The following CCDC77 variants were observed in gnomAD, a reference collection of about 807,000 sequenced individuals.
CCDC77 encodes the protein coiled-coil domain-containing protein 77.
CCDC77 carries 56 observed loss-of-function variants against 66.8 expected under a neutral mutation model. The observed-to-expected ratio is 0.84, with a 90% confidence interval of 0.68 to 1.05. The LOEUF (loss-of-function observed/expected upper bound fraction) is 1.05. Among genes scored for constraint, CCDC77 ranks in the 50% least tolerant of loss-of-function variants. CCDC77 has a pLI of 0.00. For synonymous variants in CCDC77, 196 were observed against 195.2 expected (o/e 1.00, Z -0.03); for missense variants, 570 against 576.8 (o/e 0.99, Z 0.12).
chr12:431,209 GTT>G (rs1294813302), intron 7 of CCDC77, among the ~76,000 whole-genome samples: 2 of 71,236 alleles, frequency 2.8e-5, no homozygotes, highest in African/African-American at 4.1e-5. Flanking sequence ...ATTTTGCTCA[GTT>G]CTTTTTTTTT....
At chr12:411,723 T>G in intron 3 of CCDC77, 24 bp from the exon 4 acceptor site, 2 of 1,584,200 alleles carry the variant, frequency 1.3e-6, no homozygotes, top group Non-Finnish European at 1.7e-6. Context: ...GTGTGATGAA[T>G]ATATCATTTC....
upstream of CCDC77, among the ~76,000 whole-genome samples, chr12:397,772 G>A (rs1404549800): frequency 1.3e-5 from 2 of 151,438 alleles, no homozygotes; most frequent in Non-Finnish European, 2.9e-5. Flanking sequence ...TCAGCCTCCC[G>A]AGCAGCTGGG....
chr12:403,971 T>G (rs1944945066), intron 1 of CCDC77, among the ~76,000 whole-genome samples: 1 of 152,222 alleles, frequency 6.6e-6, no homozygotes, highest in African/African-American at 2.4e-5. Flanking sequence ...AGACAGGGTC[T>G]TGCCATGGCC....
chr12:433,012 G>C (rs1945679696), intron 8 of CCDC77, among the ~76,000 whole-genome samples, 162 bp from the exon 9 acceptor site: 1 of 152,170 alleles, frequency 6.6e-6, no homozygotes, highest in African/African-American at 2.4e-5. Flanking sequence ...CAGCCTGGGG[G>C]ACAGAGCAAG....
chr12:423,494 G>GTTTTTTTTTTTTTTTTTTTTTTT (rs56233976), intron 5 of CCDC77, among the ~76,000 whole-genome samples: 1 of 35,420 alleles, frequency 2.8e-5, no homozygotes, highest in Non-Finnish European at 5.1e-5. Context: ...TTTTTGTTTT[G>GTTTTTTTTTTTTTTTTTTTTTTT]TTTTTTTTTT....
At position 438,336 on chromosome 12, in the gene CCDC77, C is replaced by T. The variant is rs1164541061; in HGVS notation, c.823C>T (p.Leu275Phe). 1 of 1,609,158 alleles carries T rather than the reference C, an allele frequency of 6.2e-7. No homozygotes were observed. Among genetic ancestry groups the T allele is most frequent in the Admixed American group, 1.7e-5 (1 of 59,272 alleles). ...QNKIKELTKN[L>F]HHTQELLYES... The stretch of plus-strand genomic sequence containing the variant: ...CTGCATTTATACTTTCTTTCCTAGT[C>T]TTCACCACACCCAAGAACTGCTCTA... The change falls in exon 10 of 13, where the codon CTT (leucine) becomes TTT (phenylalanine). Residue 275 changes from leucine (L) to phenylalanine (F), a missense_variant and splice_region_variant. Transcript: ENST00000239830.
At chr12:422,711 A>T (rs1048786864) in intron 5 of CCDC77, among the ~76,000 whole-genome samples, 4 of 152,200 alleles carry the variant, frequency 2.6e-5, no homozygotes, top group Admixed American at 2.0e-4. Flanking sequence ...TCCAAACTGA[A>T]GCTGTCCACC....
Position 440,837 on chromosome 12 carries a change from T to C in CCDC77, c.1168-7T>C, listed in dbSNP as rs80251893. ...TTCGTAAATGCCTTCCCATTCCCCA[T>C]ATTTAGGATCGCACTAACAAGATGG... On this transcript the variant is annotated splice_polypyrimidine_tract_variant and splice_region_variant and intron_variant, in intron 11 of 12. Transcript: ENST00000239830. The C allele has an allele frequency of 3.7e-3, 5,917 of 1,613,406 alleles. 76 individuals carry two copies. The African/African-American group carries it at 0.048, about 13-fold the overall frequency.
chr12:433,287 G>A lies in CCDC77; in HGVS notation c.786G>A (p.Gln262=), dbSNP rs200827188. ...TTGAGGAAATACAAGTTCAGCACCA[G>A]AGAAATCAGAACAAAATCAAAGAGC... is the stretch of plus-strand genomic sequence containing the variant. The part of the protein sequence containing the change: ...IHLEEIQVQH[Q]RNQNKIKELT... The change falls in exon 9 of 13, where the codon CAG becomes CAA. Residue 262 remains glutamine (Q), a synonymous_variant. Transcript: ENST00000239830. 10 of 1,614,044 alleles carry A rather than the reference G, an allele frequency of 6.2e-6. No homozygotes were observed. Among genetic ancestry groups the A allele is most frequent in the Non-Finnish European group, 7.6e-6 (9 of 1,179,986 alleles).
intron 4 of CCDC77, among the ~76,000 whole-genome samples, chr12:414,922 CTT>C (rs1945194951): frequency 6.6e-6 from 1 of 152,168 alleles, no homozygotes; most frequent in Admixed American, 6.6e-5. Context: ...TGGCCTCACA[CTT>C]TTCACTCTAG....
intron 3 of CCDC77, among the ~76,000 whole-genome samples, chr12:411,177 T>C (rs531120159): frequency 2.5e-3 from 206 of 81,962 alleles, no homozygotes; most frequent in African/African-American, 9.9e-3. Context: ...AAACTTTCAA[T>C]TTGTTTTTTT....
At chr12:410,432 T>C (rs985892640) in intron 3 of CCDC77, among the ~76,000 whole-genome samples, 2 of 151,202 alleles carry the variant, frequency 1.3e-5, no homozygotes, top group African/African-American at 4.9e-5. Context: ...CAGGCCCGGC[T>C]GATTTTTGTA....
intron 4 of CCDC77, among the ~76,000 whole-genome samples, chr12:418,136 T>A (rs553757787): frequency 6.6e-6 from 1 of 152,184 alleles, no homozygotes; most frequent in South Asian, 2.1e-4. Flanking sequence ...CTGCCCAACA[T>A]GGCGAAACCC....
intron 8 of CCDC77, among the ~76,000 whole-genome samples, 181 bp downstream of exon 8, chr12:432,135 T>C (rs1432017864): frequency 6.6e-6 from 1 of 152,202 alleles, no homozygotes; most frequent in East Asian, 1.9e-4. Flanking sequence ...AAACCATCCT[T>C]TTCTATTTGA....
chr12:422,239 C>CTG (rs201330870), intron 5 of CCDC77, among the ~76,000 whole-genome samples: 1 of 146,724 alleles, frequency 6.8e-6, no homozygotes, highest in Admixed American at 7.0e-5. Context: ...CAGTGCTCTT[C>CTG]TGTGTGTGTG....
chr12:437,699 A>T (rs529925199), intron 9 of CCDC77, among the ~76,000 whole-genome samples: 3 of 152,158 alleles, frequency 2.0e-5, no homozygotes, highest in Admixed American at 2.0e-4. Context: ...CAAATTTTTA[A>T]TGAGCTGGCA....
chr12:390,758 C>CAT (rs1944740450), intron 1 of CCDC77, among the ~76,000 whole-genome samples: 1 of 151,858 alleles, frequency 6.6e-6, no homozygotes, highest in Non-Finnish European at 1.5e-5. Flanking sequence ...CACACACACA[C>CAT]ACATCTTATT....
intron 4 of CCDC77, among the ~76,000 whole-genome samples, chr12:412,839 C>T (rs571316471): frequency 6.6e-6 from 1 of 152,310 alleles, no homozygotes; most frequent in Non-Finnish European, 1.5e-5. Context: ...GCCTGCAACC[C>T]CTTCTTAGCC....
At chr12:418,913 G>C (rs1945338751) in intron 5 of CCDC77, 2 of 329,248 alleles carry the variant, frequency 6.1e-6, no homozygotes, top group Non-Finnish European at 1.1e-5. Context: ...CAGCCACGCT[G>C]GTCTCGAACT....
Sources: allele counts gnomAD v4.1 joint callset (sites outside exome capture counted in the v4.1 genomes callset), GRCh38; gene constraint gnomAD v4.1.1; transcripts MANE v1.5; gene names NCBI Gene and HGNC (gene_info 2026-07-23, HGNC 2026-07-21).